Variants in TRIM33 observed in about 807,000 individuals in gnomAD.
TRIM33 encodes the protein tripartite motif containing 33.
In TRIM33, 20 loss-of-function variants were observed where a neutral mutation model predicts 125.4. The observed-to-expected ratio is 0.16, with a 90% CI of 0.11 to 0.23. The LOEUF is 0.23. TRIM33 is among the 10% of genes least tolerant of loss of function. The pLI is 1.00. For missense variants in TRIM33, 920 were observed against 1,411.4 expected (o/e 0.65, Z 5.58); for synonymous variants, 564 against 513.9 (o/e 1.10, Z -1.32).
Position 114,394,057 on chromosome 1 carries a change from T to C in TRIM33, c.*3591A>G, listed in dbSNP as rs1651415668. ...GTACATGATCAAACTGTATTACACC[T>C]TGAAAATCTTGAGTCACCTTCAGCA... On this transcript the variant is annotated 3_prime_UTR_variant, in exon 20 of 20. Transcript: ENST00000358465. The C allele has an allele frequency of 4.4e-6, 1 of 226,770 alleles. No homozygotes were observed. Among genetic ancestry groups the C allele is most frequent in the East Asian group, 6.4e-5 (1 of 15,722 alleles). 14.0% of individuals were successfully genotyped at this position (226,770 alleles called of 1,614,324 possible). A position where few individuals can be genotyped will look rare whatever the true frequency, so the allele number is the denominator to read the frequency against.
chr1:114,490,543 C>A (rs1652001858), intron 1 of TRIM33, among the ~76,000 whole-genome samples: 2 of 152,102 alleles, frequency 1.3e-5, no homozygotes, highest in South Asian at 4.2e-4. Flanking sequence ...AAGTATACAC[C>A]CAAGAGAAAT....
At chr1:114,409,783 T>A (rs1652466569) in intron 12 of TRIM33, among the ~76,000 whole-genome samples, 2 of 152,156 alleles carry the variant, frequency 1.3e-5, no homozygotes, top group African/African-American at 4.8e-5. Flanking sequence ...GTGAAGGTAT[T>A]TTTTTAGATG....
intron 1 of TRIM33, among the ~76,000 whole-genome samples, chr1:114,499,838 T>C (rs182990680): frequency 3.5e-4 from 53 of 152,210 alleles, no homozygotes; most frequent in Non-Finnish European, 4.9e-4. Context: ...AATTATCAAA[T>C]ATAAATATGA....
intron 1 of TRIM33, among the ~76,000 whole-genome samples, chr1:114,502,467 G>T (rs1430115047): frequency 1.3e-5 from 2 of 152,154 alleles, no homozygotes; most frequent in Non-Finnish European, 2.9e-5. Flanking sequence ...AATTAAAAAT[G>T]AATCTTAAAT....
At chr1:114,489,191 T>A (rs1054588598) in intron 1 of TRIM33, among the ~76,000 whole-genome samples, 1 of 152,058 alleles carries the variant, frequency 6.6e-6, no homozygotes, top group African/African-American at 2.4e-5. Flanking sequence ...GAGGACAGAG[T>A]AGTCTTTTCA....
intron 4 of TRIM33, among the ~76,000 whole-genome samples, chr1:114,450,378 C>T (rs946432369): frequency 2.0e-5 from 3 of 152,164 alleles, no homozygotes; most frequent in Admixed American, 2.0e-4. Flanking sequence ...GTCACCCAGG[C>T]TGGAGTGCAG....
chr1:114,423,189 T>G (rs1572036068), intron 10 of TRIM33, among the ~76,000 whole-genome samples: 1 of 152,278 alleles, frequency 6.6e-6, no homozygotes, highest in Non-Finnish European at 1.5e-5. Flanking sequence ...TAACGATAAT[T>G]TGGTCCACAG....
At chr1:114,414,938 T>C (rs1367154116) in intron 11 of TRIM33, among the ~76,000 whole-genome samples, 2 of 151,404 alleles carry the variant, frequency 1.3e-5, no homozygotes, top group East Asian at 1.9e-4. Flanking sequence ...TAAATACTTA[T>C]ATGTCAGGCA....
At chr1:114,459,747 T>G (rs1195687353) in intron 4 of TRIM33, among the ~76,000 whole-genome samples, 2 of 151,748 alleles carry the variant, frequency 1.3e-5, no homozygotes, top group Admixed American at 1.3e-4. Flanking sequence ...CTTCAAAAAA[T>G]AAGAAAAATT....
In TRIM33 at chr1:114,393,451, G is replaced by T. The variant is rs1321488233; in HGVS notation, c.*4197C>A. On this transcript the variant is annotated 3_prime_UTR_variant, in exon 20 of 20. Coordinates refer to ENST00000358465, the MANE Select transcript of TRIM33 (RefSeq NM_015906.4). ...ACATAAATTTGGTGAATTTAAAAGA[G>T]GAGCATTTTTAATTTTAAAGATCAC... is the stretch of plus-strand genomic sequence containing the variant. 1 of 201,670 alleles carries T rather than the reference G, an allele frequency of 5.0e-6. No homozygotes were observed. Among genetic ancestry groups the T allele is most frequent in the African/African-American group, 2.3e-5 (1 of 43,512 alleles). The allele number at this position is 201,670 out of a possible 1,614,324, so 12.5% of individuals were successfully genotyped here.
intron 8 of TRIM33, 118 bp from the exon 9 acceptor site, chr1:114,425,841 G>A (rs1647539434): frequency 4.5e-6 from 3 of 671,396 alleles, no homozygotes; most frequent in South Asian, 3.9e-5. Context: ...AGCTCCAACA[G>A]TACAGCAGGG....
intron 11 of TRIM33, among the ~76,000 whole-genome samples, chr1:114,411,849 C>T (rs1652611883): frequency 1.3e-5 from 2 of 152,110 alleles, no homozygotes; most frequent in Admixed American, 1.3e-4. Flanking sequence ...AGAAGTCTAA[C>T]TGGAAAGACA....
rs1334658490 is a variant in TRIM33 at position 114,510,899 on chromosome 1, C to A, written c.178G>T (p.Ala60Ser). Residue 60 changes from alanine (A) to serine (S), a missense_variant, in exon 1 of 20, where the codon GCC becomes TCC. Coordinates refer to ENST00000358465, the MANE Select transcript of TRIM33 (RefSeq NM_015906.4). ...GGRAGAEGGA[A>S]GPDDGGVAAA... ...GCCACCCCCCCGTCGTCGGGCCCGG[C>A]CGCGCCGCCCTCAGCGCCGGCCCTG... The A allele has an allele frequency of 7.0e-7, 1 of 1,424,514 alleles. No homozygotes were observed. The highest frequency in any genetic ancestry group is 1.5e-5 in the South Asian group (1 of 68,690). The allele number at this position is 1,424,514 out of a possible 1,614,324, so 88.2% of individuals were successfully genotyped here.
chr1:114,426,449 A>C (rs2101163340), intron 8 of TRIM33, among the ~76,000 whole-genome samples: 1 of 152,206 alleles, frequency 6.6e-6, no homozygotes. Flanking sequence ...GGCTGATGTC[A>C]GAACTAAGGC....
At chr1:114,433,273 C>T (rs1055387006) in intron 5 of TRIM33, among the ~76,000 whole-genome samples, 4 of 152,114 alleles carry the variant, frequency 2.6e-5, no homozygotes, top group Non-Finnish European at 1.5e-5. Context: ...AATAATTGGT[C>T]CACCCGTGAT....
chr1:114,463,267 C>T (rs1307721512), intron 3 of TRIM33, 31 bp from the exon 4 acceptor site: 3 of 1,570,718 alleles, frequency 1.9e-6, no homozygotes, highest in African/African-American at 1.4e-5. Context: ...TATTTTTTAA[C>T]CAAACATAAA....
intron 1 of TRIM33, among the ~76,000 whole-genome samples, chr1:114,481,629 C>CTATA (rs34288270): frequency 0.046 from 6,596 of 144,490 alleles, 188 homozygotes; most frequent in African/African-American, 0.076. Flanking sequence ...AGAAAAAAAA[C>CTATA]TATATATATA....
At chr1:114,408,650 G>T (rs1375569622) in intron 13 of TRIM33, 27 bp downstream of exon 13, 8 of 1,502,360 alleles carry the variant, frequency 5.3e-6, no homozygotes, top group African/African-American at 1.4e-5. Flanking sequence ...TAACAAAAAG[G>T]AAAAAAATAA....
At chr1:114,487,009 C>T (rs1219358735) in intron 1 of TRIM33, among the ~76,000 whole-genome samples, 1 of 151,480 alleles carries the variant, frequency 6.6e-6, no homozygotes, top group Non-Finnish European at 1.5e-5. Flanking sequence ...ATCACTTGAA[C>T]CCAGGAAATG....
Sources: gnomAD v4.1 joint callset for allele counts (sites outside exome capture counted in the v4.1 genomes callset) on GRCh38, gnomAD v4.1.1 for gene constraint, MANE v1.5 for transcripts, NCBI Gene and HGNC (gene_info 2026-07-23, HGNC 2026-07-21) for gene names.